Variants in NFIA observed in about 807,000 individuals in gnomAD.
NFIA encodes the protein nuclear factor 1 A-type.
A neutral mutation model predicts 62.8 loss-of-function variants in NFIA; 8 were observed. The observed-to-expected ratio is 0.13, with a 90% confidence interval of 0.07 to 0.23. The LOEUF (loss-of-function observed/expected upper bound fraction) is 0.23. Among genes scored for constraint, NFIA ranks in the 10% least tolerant of loss-of-function variants. The probability of loss-of-function intolerance (pLI) is 1.00; values close to 1 mark genes in which losing one functional copy is unlikely to be tolerated. For synonymous variants in NFIA, 235 were observed against 238.1 expected (o/e 0.99, Z 0.12); for missense variants, 410 against 642.1 (o/e 0.64, Z 3.91).
intron 10 of NFIA, 39 bp from the exon 11 acceptor site, chr1:61,455,264 A>G (rs1230587371): frequency 6.2e-7 from 1 of 1,611,490 alleles, no homozygotes; most frequent in Non-Finnish European, 8.5e-7. Context: ...CGTTTTTACA[A>G]ATTGTGATTT....
chr1:61,372,924 G>C (rs1302332922), intron 6 of NFIA, among the ~76,000 whole-genome samples: 1 of 152,150 alleles, frequency 6.6e-6, no homozygotes, highest in Non-Finnish European at 1.5e-5. Context: ...TTAAATAAGA[G>C]CTGAAGAGAG....
intron 10 of NFIA, among the ~76,000 whole-genome samples, chr1:61,428,254 G>T (rs1369587936): frequency 1.3e-5 from 2 of 152,064 alleles, no homozygotes; most frequent in African/African-American, 4.8e-5. Context: ...CTTCACAAAT[G>T]CCTTACTTAA....
At chr1:61,091,790 A>G (rs149354068) in intron 2 of NFIA, among the ~76,000 whole-genome samples, 1 of 152,108 alleles carries the variant, frequency 6.6e-6, no homozygotes, top group Non-Finnish European at 1.5e-5. Flanking sequence ...GACCTTTTAG[A>G]TAAAGTTAAC....
At chr1:61,108,948 T>G (rs541520939) in intron 2 of NFIA, among the ~76,000 whole-genome samples, 55 of 151,956 alleles carry the variant, frequency 3.6e-4, no homozygotes, top group African/African-American at 1.2e-3. Flanking sequence ...CTCATTTGTA[T>G]GAATTAATTA....
chr1:61,252,649 T>C (rs1000659797), intron 2 of NFIA, among the ~76,000 whole-genome samples: 3 of 152,242 alleles, frequency 2.0e-5, no homozygotes, highest in Non-Finnish European at 4.4e-5. Flanking sequence ...TGATGCATTA[T>C]AGATACGCAT....
chr1:61,343,913 T>C (rs932104540), intron 4 of NFIA, among the ~76,000 whole-genome samples: 1 of 152,234 alleles, frequency 6.6e-6, no homozygotes, highest in African/African-American at 2.4e-5. Flanking sequence ...CAGTCTATGT[T>C]CGTGTTACCT....
intron 6 of NFIA, among the ~76,000 whole-genome samples, chr1:61,379,976 A>G (rs1465090015): frequency 6.6e-6 from 1 of 152,204 alleles, no homozygotes; most frequent in Non-Finnish European, 1.5e-5. Flanking sequence ...GAAAGCCACT[A>G]CATGACTAGA....
chr1:61,389,802 A>G (rs1011285073), intron 7 of NFIA, among the ~76,000 whole-genome samples: 4 of 151,738 alleles, frequency 2.6e-5, no homozygotes, highest in African/African-American at 9.7e-5. Flanking sequence ...ATTAGTCCAT[A>G]AGTCCTTGCT....
intron 2 of NFIA, among the ~76,000 whole-genome samples, chr1:61,264,001 A>G (rs76490847): frequency 6.6e-6 from 1 of 152,060 alleles, no homozygotes; most frequent in Non-Finnish European, 1.5e-5. Context: ...AAAAAAAAAA[A>G]GTGTAAACTT....
Position 61,194,418 on chromosome 1 carries a change from C to G in NFIA, c.560-83102C>G, listed in dbSNP as rs1285209939. 3.3e-5 allele frequency among the ~76,000 whole-genome samples: 5 copies of G among 152,188 alleles called. 1 individual carries two copies. Among genetic ancestry groups the G allele is most frequent in the Admixed American group, 3.3e-4 (5 of 15,274 alleles). ...TCTTTTTCTGAAGACATCAGTAGTG[C>G]AAGCATCATGTCTTTGCCTTGTATT... On this transcript the variant is annotated intron_variant, in intron 2 of 10. Coordinates refer to ENST00000403491, the MANE Select transcript of NFIA (RefSeq NM_001134673.4).
intron 2 of NFIA, among the ~76,000 whole-genome samples, chr1:61,199,927 G>A (rs183289788): frequency 0.011 from 1,590 of 149,220 alleles, 34 homozygotes; most frequent in African/African-American, 0.037. Flanking sequence ...ACCAGGAGGC[G>A]GAGGCTGCAG....
At chr1:61,183,773 G>A (rs1557620387) in intron 2 of NFIA, among the ~76,000 whole-genome samples, 1 of 152,150 alleles carries the variant, frequency 6.6e-6, no homozygotes, top group African/African-American at 2.4e-5. Context: ...AGAGACCTCC[G>A]TGCCTTTTAG....
chr1:61,109,048 G>T (rs1646651813), intron 2 of NFIA, among the ~76,000 whole-genome samples: 1 of 151,718 alleles, frequency 6.6e-6, no homozygotes, highest in Non-Finnish European at 1.5e-5. Flanking sequence ...CTTACGTTTT[G>T]ATTTGAACTA....
At chr1:61,350,977 A>G (rs1313283404) in intron 4 of NFIA, among the ~76,000 whole-genome samples, 1 of 152,230 alleles carries the variant, frequency 6.6e-6, no homozygotes, top group Non-Finnish European at 1.5e-5. Flanking sequence ...GATTCCACTT[A>G]AAATTTTCAG....
chr1:61,305,307 TGTTA>T (rs1403287304), intron 3 of NFIA, among the ~76,000 whole-genome samples: 6 of 152,132 alleles, frequency 3.9e-5, no homozygotes, highest in Admixed American at 3.9e-4. Flanking sequence ...TCCTAGAACC[TGTTA>T]GCAGGGCAGA....
chr1:61,392,237 G>T (rs550795461), intron 7 of NFIA, among the ~76,000 whole-genome samples: 86 of 151,594 alleles, frequency 5.7e-4, no homozygotes, highest in African/African-American at 1.9e-3. Context: ...TTTTGCAGAG[G>T]TCCTTTAAGT....
intron 2 of NFIA, among the ~76,000 whole-genome samples, chr1:61,106,358 T>C (rs1360457731): frequency 6.6e-6 from 1 of 151,836 alleles, no homozygotes; most frequent in Non-Finnish European, 1.5e-5. Context: ...TACATTTGGA[T>C]AGCTGTTGTT....
chr1:61,137,970 T>C (rs1227331079), intron 2 of NFIA, among the ~76,000 whole-genome samples: 4 of 151,858 alleles, frequency 2.6e-5, no homozygotes, highest in Non-Finnish European at 5.9e-5. Flanking sequence ...TTTTTTTCTA[T>C]TGAAGGAGGC....
chr1:61,280,697 C>T (rs1658078696), intron 3 of NFIA, among the ~76,000 whole-genome samples: 1 of 152,066 alleles, frequency 6.6e-6, no homozygotes. Context: ...GCTTTCTTTT[C>T]TTGTACTCCC....
Sources: gnomAD v4.1 joint callset for allele counts (sites outside exome capture counted in the v4.1 genomes callset) on GRCh38, gnomAD v4.1.1 for gene constraint, MANE v1.5 for transcripts, NCBI Gene and HGNC (gene_info 2026-07-23, HGNC 2026-07-21) for gene names.